SYNE3: variants seen among roughly 807,000 people sequenced by gnomAD.
SYNE3 encodes the protein nesprin-3.
Under a neutral mutation model 111.2 loss-of-function variants are expected in SYNE3, and 100 were observed. The ratio of observed to expected loss-of-function variants is 0.90; its 90% confidence interval spans 0.77 to 1.06. The LOEUF is 1.06. Among genes scored for constraint, SYNE3 ranks in the 50% least tolerant of loss-of-function variants. SYNE3 has a pLI of 0.00. For synonymous variants in SYNE3, 547 were observed against 533.9 expected (o/e 1.02, Z -0.34); for missense variants, 1,160 against 1,240.3 (o/e 0.94, Z 0.97).
At chr14:95,464,632 G>A (rs370339201) in intron 4 of SYNE3, among the ~76,000 whole-genome samples, 1 of 152,244 alleles carries the variant, frequency 6.6e-6, no homozygotes, top group Non-Finnish European at 1.5e-5. Flanking sequence ...GAACCCCCAA[G>A]CCAATTCACT....
intron 14 of SYNE3, 127 bp downstream of exon 14, chr14:95,438,906 G>C (rs1886247771): frequency 7.6e-7 from 1 of 1,313,800 alleles, no homozygotes; most frequent in Non-Finnish European, 1.1e-6. Flanking sequence ...AATGAGACAG[G>C]ACGTGGCCAA....
In SYNE3 at chr14:95,417,313, A is replaced by C. The variant is rs1903610862; in HGVS notation, c.*513T>G. On this transcript the variant is annotated 3_prime_UTR_variant, in exon 18 of 18. Coordinates refer to ENST00000682763, the MANE Select transcript of SYNE3 (RefSeq NM_152592.6). ...AGCATACTTGTTCTCATTACGCATA[A>C]AGCAAGAGTCGCTGGGCACCAAGTG... The C allele has an allele frequency of 5.6e-6, 1 of 178,304 alleles. No individual in the cohort carries two copies. The highest frequency in any genetic ancestry group is 2.3e-5 in the African/African-American group (1 of 42,660). 11.0% of individuals were successfully genotyped at this position (178,304 alleles called of 1,614,324 possible).
chr14:95,465,601 G>A (rs1299683244), intron 4 of SYNE3, among the ~76,000 whole-genome samples: 1 of 152,144 alleles, frequency 6.6e-6, no homozygotes, highest in African/African-American at 2.4e-5. Flanking sequence ...AGGCTGGTGG[G>A]GAAGTAGATG....
At position 95,450,019 on chromosome 14, in the gene SYNE3, A is replaced by G; in HGVS notation, c.1361T>C (p.Leu454Pro). 2 of 1,558,430 alleles carry G rather than the reference A, an allele frequency of 1.3e-6. No homozygotes were observed. The highest frequency in any genetic ancestry group is 1.7e-6 in the Non-Finnish European group (2 of 1,151,072). The change falls in exon 8 of 18, where the codon CTG becomes CCG. Residue 454 changes from leucine (L) to proline (P), a missense_variant. By Grantham distance (98) the Leu-to-Pro change is moderately conservative (BLOSUM62 -3). Coordinates refer to ENST00000682763, the MANE Select transcript of SYNE3 (RefSeq NM_152592.6). ...GAGCCGCTGGGCCAGGGCCTTCCACAGCTGCAGATCCTGCAGAGGCCGCTG... is the reference window on the plus strand; with the variant it reads ...GAGCCGCTGGGCCAGGGCCTTCCACGGCTGCAGATCCTGCAGAGGCCGCTG... Reference protein sequence around the residue: ...HFQRPLQDLQLWKALAQRLLE... With the variant: ...HFQRPLQDLQPWKALAQRLLE...
chr14:95,431,932 C>G, intron 17 of SYNE3, 147 bp downstream of exon 17: 1 of 930,346 alleles, frequency 1.1e-6, no homozygotes, highest in Non-Finnish European at 1.6e-6. Flanking sequence ...CAGCACAGCG[C>G]AGCCCAGAGT....
intron 17 of SYNE3, among the ~76,000 whole-genome samples, chr14:95,419,899 G>GGTGGTGATGGTGGTA (rs1884996659): frequency 4.4e-4 from 13 of 29,286 alleles, no homozygotes; most frequent in African/African-American, 1.1e-3. Context: ...TAGTGATGGT[G>GGTGGTGATGGTGGTA]GTGGTGGTAG....
intron 1 of SYNE3, among the ~76,000 whole-genome samples, chr14:95,483,223 C>T (rs1231514026): frequency 6.6e-6 from 1 of 152,168 alleles, no homozygotes; most frequent in African/African-American, 2.4e-5. Flanking sequence ...GGATTCAGAC[C>T]CAGGTAAACC....
intron 2 of SYNE3, among the ~76,000 whole-genome samples, chr14:95,473,778 A>AGTGGCTGGAGCTAAGGCTG (rs1888694994): frequency 1.2e-4 from 5 of 41,842 alleles, no homozygotes; most frequent in Admixed American, 2.4e-4. Context: ...AGCTCAGGCC[A>AGTGGCTGGAGCTAAGGCTG]GTGTGAGCTT....
At chr14:95,432,673 T>TATC (rs1293569650) in intron 16 of SYNE3, among the ~76,000 whole-genome samples, 1 of 146,396 alleles carries the variant, frequency 6.8e-6, no homozygotes, top group East Asian at 2.0e-4. Flanking sequence ...TTATTATTAT[T>TATC]ATTATTTGGT....
intron 17 of SYNE3, among the ~76,000 whole-genome samples, chr14:95,425,238 T>C (rs1344965998): frequency 1.2e-5 from 1 of 86,016 alleles, no homozygotes; most frequent in Non-Finnish European, 2.8e-5. Flanking sequence ...AGAGTGAGAC[T>C]CCATCAAAAA....
chr14:95,497,686 G>A (rs939057765), intron 1 of SYNE3, among the ~76,000 whole-genome samples: 8 of 152,152 alleles, frequency 5.3e-5, no homozygotes, highest in African/African-American at 1.2e-4. Context: ...TATGGTCTCC[G>A]TCACATCTCC....
chr14:95,487,293 C>A (rs923718464), intron 1 of SYNE3, among the ~76,000 whole-genome samples: 35 of 152,206 alleles, frequency 2.3e-4, no homozygotes, highest in Non-Finnish European at 4.4e-5. Context: ...CTCTTACATT[C>A]TTTCTTATAT....
chr14:95,427,781 T>TC (rs1449483723), intron 17 of SYNE3, among the ~76,000 whole-genome samples: 3 of 214 alleles, frequency 0.014, no homozygotes, highest in East Asian at 0.25. Context: ...GTGGTAGTGG[T>TC]CCCCAGGGCC....
At chr14:95,426,038 G>A (rs1595176125) in intron 17 of SYNE3, among the ~76,000 whole-genome samples, 1 of 152,342 alleles carries the variant, frequency 6.6e-6, no homozygotes, top group African/African-American at 2.4e-5. Context: ...CCTCACTGGG[G>A]TGAATTTCAG....
At chr14:95,419,101 AG>A (rs1835374765) in intron 17 of SYNE3, among the ~76,000 whole-genome samples, 2 of 152,204 alleles carry the variant, frequency 1.3e-5, no homozygotes, top group South Asian at 4.1e-4. Flanking sequence ...TAAGTTCTGG[AG>A]GGACTGGCCA....
Position 95,407,455 on chromosome 14 carries a change from G to C in SYNE3, c.*10371C>G, listed in dbSNP as rs1301048044. On this transcript the variant is annotated 3_prime_UTR_variant, in exon 18 of 18. Coordinates refer to ENST00000682763, the MANE Select transcript of SYNE3 (RefSeq NM_152592.6). ...CACTAAGAAGAAACTCCGGGGTCCTGGTGTTCCTCCCTGGATGGCGGGGAA... is the reference window on the plus strand; with the variant it reads ...CACTAAGAAGAAACTCCGGGGTCCTCGTGTTCCTCCCTGGATGGCGGGGAA... 1 of 152,150 alleles carries C rather than the reference G, an allele frequency of 6.6e-6. No homozygotes were observed. Among genetic ancestry groups the C allele is most frequent in the Non-Finnish European group, 1.5e-5 (1 of 68,032 alleles). The allele number at this position is 152,150 out of a possible 1,614,324, so 9.4% of individuals were successfully genotyped here.
chr14:95,431,995 G>C, intron 17 of SYNE3, 84 bp downstream of exon 17: 1 of 1,489,826 alleles, frequency 6.7e-7, no homozygotes, highest in Non-Finnish European at 9.2e-7. Context: ...GAAAGCCCAC[G>C]AGTCTTGCCC....
Position 95,470,576 on chromosome 14 carries a change from A to G in SYNE3, c.145-2609T>C, listed in dbSNP as rs958241419. Among the ~76,000 whole-genome samples the G allele has an allele frequency of 6.6e-6, 1 of 151,776 alleles. No homozygotes were observed. The highest frequency in any genetic ancestry group is 1.5e-5 in the Non-Finnish European group (1 of 67,966). ...TGAGGCAGGAAGATTGCTTGAGCCC[A>G]GGAGGTTGAGGCTGCAGTGAGCCAT... On this transcript the variant is annotated intron_variant, in intron 2 of 17. Coordinates refer to ENST00000682763, the MANE Select transcript of SYNE3 (RefSeq NM_152592.6). This position sits in a 1 kb window ranked among gnomAD's most constrained non-coding sequence, Gnocchi z 4.2.
rs1376251362 is a variant in SYNE3 at position 95,485,366 on chromosome 14, C to T, written c.-14-9531G>A. ...GGCCCCCTCCCCACATTCCAATGGG[C>T]TTCACTTCACACAGCTTCCCTGGAG... On this transcript the variant is annotated intron_variant, in intron 1 of 17. Transcript: ENST00000682763. The surrounding 1 kb of genome is among the most constrained non-coding windows in gnomAD (Gnocchi z 4.3). Among the ~76,000 whole-genome samples the T allele has an allele frequency of 6.6e-6, 1 of 152,120 alleles. No individual in the cohort carries two copies. The highest frequency in any genetic ancestry group is 1.5e-5 in the Non-Finnish European group (1 of 68,016).
Sources: allele counts gnomAD v4.1 joint callset (sites outside exome capture counted in the v4.1 genomes callset), GRCh38; gene constraint gnomAD v4.1.1; non-coding constraint Gnocchi (gnomAD v3.1); transcripts MANE v1.5; gene names NCBI Gene and HGNC (gene_info 2026-07-23, HGNC 2026-07-21).